TXLNB: variants seen among roughly 807,000 people sequenced by gnomAD.
The protein encoded by TXLNB is beta-taxilin.
In TXLNB, 37 loss-of-function variants were observed where a neutral mutation model predicts 57.4. The observed-to-expected ratio is 0.64, with a 90% CI of 0.50 to 0.85. TXLNB has a LOEUF of 0.85. TXLNB is among the 40% of genes least tolerant of loss of function. The pLI is 0.00. For synonymous variants in TXLNB, 302 were observed against 309.6 expected (o/e 0.98, Z 0.26); for missense variants, 848 against 825.6 (o/e 1.03, Z -0.33).
Position 139,288,949 on chromosome 6 carries a change from C to A in TXLNB, c.-14-36G>T, listed in dbSNP as rs370556059. The A allele has an allele frequency of 3.6e-5, 52 of 1,463,192 alleles. No homozygotes were observed. The African/African-American group carries it at 5.9e-4, about 16-fold the overall frequency. The allele number at this position is 1,463,192 out of a possible 1,614,324, so 90.6% of individuals were successfully genotyped here. A position where few individuals can be genotyped will look rare whatever the true frequency, so the allele number is the denominator to read the frequency against. On this transcript the variant is annotated intron_variant, in intron 1 of 9. Coordinates refer to ENST00000358430, the MANE Select transcript of TXLNB (RefSeq NM_153235.4). ...GCACAGTTAGGCTTTATGTAGCTAACCTACTTGCTACATATCAATGCTACA... is the reference window on the plus strand; with the variant it reads ...GCACAGTTAGGCTTTATGTAGCTAAACTACTTGCTACATATCAATGCTACA...
chr6:139,191,145 C>T, the TXLNB span, among the ~76,000 whole-genome samples: 9 of 151,912 alleles, frequency 5.9e-5, no homozygotes, highest in African/African-American at 1.9e-4. Flanking sequence ...TCTGGCCAGG[C>T]GCGGTGGCTT....
At chr6:139,311,893 T>C in the TXLNB span, among the ~76,000 whole-genome samples, 3 of 152,078 alleles carry the variant, frequency 2.0e-5, no homozygotes, top group African/African-American at 7.2e-5. Context: ...TGTTGAAAGC[T>C]CTCTTCCTGG....
the TXLNB span, among the ~76,000 whole-genome samples, chr6:139,309,112 G>C: frequency 1.3e-5 from 2 of 152,194 alleles, no homozygotes; most frequent in Non-Finnish European, 2.9e-5. Context: ...ATGATGCAGG[G>C]AGCAGAGGTT....
chr6:139,322,837 T>A, the TXLNB span, among the ~76,000 whole-genome samples: 1 of 152,224 alleles, frequency 6.6e-6, no homozygotes, highest in Non-Finnish European at 1.5e-5. Flanking sequence ...TTTGCTGTGT[T>A]TATTCTTTGT....
the TXLNB span, among the ~76,000 whole-genome samples, chr6:139,213,509 C>G: frequency 1.3e-5 from 2 of 152,020 alleles, no homozygotes; most frequent in Non-Finnish European, 2.9e-5. Context: ...GCACTAAATG[C>G]CCACAAGAGA....
chr6:139,192,780 T>TA, the TXLNB span, among the ~76,000 whole-genome samples: 75,636 of 143,708 alleles, frequency 0.53, 20,285 homozygotes, highest in Non-Finnish European at 0.58. Flanking sequence ...CCGTCTCTAC[T>TA]AAAAAAAAAA....
At chr6:139,286,218 C>G (rs2114632956) in intron 2 of TXLNB, among the ~76,000 whole-genome samples, 1 of 148,606 alleles carries the variant, frequency 6.7e-6, no homozygotes, top group South Asian at 2.2e-4. Context: ...AATAATTTTC[C>G]TCAAGGTTTT....
At chr6:139,270,091 A>AT (rs1309386399) in intron 4 of TXLNB, among the ~76,000 whole-genome samples, 15 of 152,236 alleles carry the variant, frequency 9.9e-5, no homozygotes, top group Non-Finnish European at 1.9e-4. Flanking sequence ...TTACAAATGT[A>AT]TTTTTTTAAA....
At chr6:139,199,150 A>C in the TXLNB span, among the ~76,000 whole-genome samples, 1 of 152,228 alleles carries the variant, frequency 6.6e-6, no homozygotes, top group South Asian at 2.1e-4. Context: ...TTTAGATCCT[A>C]GATTCACACT....
chr6:139,262,345 T>C (rs936520890), intron 5 of TXLNB, among the ~76,000 whole-genome samples: 1 of 152,232 alleles, frequency 6.6e-6, no homozygotes, highest in East Asian at 1.9e-4. Context: ...CCTATCACTT[T>C]CTATTTATTG....
chr6:139,294,192 ATGTG>A (rs1777351021), upstream of TXLNB, among the ~76,000 whole-genome samples: 1 of 152,200 alleles, frequency 6.6e-6, no homozygotes, highest in African/African-American at 2.4e-5. Context: ...CACTACTTTT[ATGTG>A]ACAGATATTG....
intron 7 of TXLNB, among the ~76,000 whole-genome samples, chr6:139,252,944 A>G (rs1223877465): frequency 6.6e-6 from 1 of 152,248 alleles, no homozygotes. Context: ...GTGAGCTGAC[A>G]TCATGCCACT....
the TXLNB span, among the ~76,000 whole-genome samples, chr6:139,186,347 C>T: frequency 6.6e-6 from 1 of 152,012 alleles, no homozygotes; most frequent in East Asian, 1.9e-4. Context: ...AAAAAGTTCC[C>T]CCAAAAAACA....
downstream of TXLNB, among the ~76,000 whole-genome samples, chr6:139,235,754 T>C (rs1775829261): frequency 6.6e-6 from 1 of 152,016 alleles, no homozygotes; most frequent in Admixed American, 6.5e-5. Flanking sequence ...CACGCCCAAA[T>C]GCTGCATTTT....
chr6:139,323,806 C>G, the TXLNB span, among the ~76,000 whole-genome samples: 1 of 152,214 alleles, frequency 6.6e-6, no homozygotes, highest in Non-Finnish European at 1.5e-5. Context: ...CTTCCGTTGG[C>G]ATCAGCTTCC....
the TXLNB span, among the ~76,000 whole-genome samples, chr6:139,173,034 G>T: frequency 6.6e-6 from 1 of 152,174 alleles, no homozygotes; most frequent in African/African-American, 2.4e-5. Flanking sequence ...TTTGGGAATT[G>T]CATTGAGTAT....
intron 2 of TXLNB, among the ~76,000 whole-genome samples, chr6:139,277,929 T>C (rs1035761914): frequency 2.6e-5 from 4 of 152,198 alleles, no homozygotes; most frequent in African/African-American, 9.7e-5. Flanking sequence ...AGTACTTGCT[T>C]TCATCTTGGA....
At chr6:139,220,913 A>G in the TXLNB span, among the ~76,000 whole-genome samples, 1 of 152,218 alleles carries the variant, frequency 6.6e-6, no homozygotes, top group Non-Finnish European at 1.5e-5. Flanking sequence ...ATCTCAAGAT[A>G]ATGAAATTGA....
intron 2 of TXLNB, among the ~76,000 whole-genome samples, chr6:139,288,224 GT>G (rs2114640026): frequency 6.6e-6 from 1 of 152,338 alleles, no homozygotes; most frequent in African/African-American, 2.4e-5. Flanking sequence ...TAGAGAACAT[GT>G]TAAAGATTTT....
Sources: allele counts gnomAD v4.1 joint callset (sites outside exome capture counted in the v4.1 genomes callset), GRCh38; gene constraint gnomAD v4.1.1; transcripts MANE v1.5; gene names NCBI Gene and HGNC (gene_info 2026-07-23, HGNC 2026-07-21).